The following SLC16A14 variants were observed in gnomAD, a reference collection of about 807,000 sequenced individuals.
SLC16A14 encodes monocarboxylate transporter 14.
Under a neutral mutation model 35.8 loss-of-function variants are expected in SLC16A14, and 14 were observed. That is an observed-to-expected ratio of 0.39 (90% confidence interval 0.26 to 0.61). The LOEUF (loss-of-function observed/expected upper bound fraction) is 0.61. SLC16A14 is among the 20% of genes least tolerant of loss of function. The probability of loss-of-function intolerance (pLI) is 0.51; values close to 1 mark genes in which losing one functional copy is unlikely to be tolerated. For missense variants in SLC16A14, 533 were observed against 655.0 expected, an observed-to-expected ratio of 0.81 and a Z score of 2.03; for synonymous variants, 248 against 258.9, an observed-to-expected ratio of 0.96 and a Z score of 0.40.
chr2:230,065,602 C>T (rs1367533616), intron 1 of SLC16A14, among the ~76,000 whole-genome samples: 1 of 152,100 alleles, frequency 6.6e-6, no homozygotes, highest in Non-Finnish European at 1.5e-5. Context: ...ATCTGCTGAG[C>T]AATGGAGTCA....
chr2:230,048,707 T>G lies in SLC16A14; in HGVS notation c.403+1054A>C, dbSNP rs1282180510. Among the ~76,000 whole-genome samples the G allele has an allele frequency of 2.6e-5, 4 of 152,068 alleles. No individual in the cohort carries two copies. In the East Asian group the frequency reaches 5.8e-4, roughly 22 times the overall value. On this transcript the variant is annotated intron_variant, in intron 3 of 4. Transcript: ENST00000295190. ...GGGAGGCTAAGGCAGGTGGATCACC[T>G]GAGGTTGGGAGTTCGAGACCAGCCT...
intron 3 of SLC16A14, among the ~76,000 whole-genome samples, chr2:230,048,847 C>G (rs927405329): frequency 7.2e-6 from 1 of 139,664 alleles, no homozygotes; most frequent in Non-Finnish European, 1.5e-5. Flanking sequence ...TGCTTGAACC[C>G]AGGAGGCGGA....
chr2:230,063,248 G>A (rs1048343309), intron 1 of SLC16A14, among the ~76,000 whole-genome samples: 3 of 138,582 alleles, frequency 2.2e-5, no homozygotes, highest in East Asian at 2.1e-4. Flanking sequence ...GTGAGATCAC[G>A]TCACTGCACT....
At chr2:230,045,569 A>G (rs1379977198) in intron 4 of SLC16A14, 176 bp downstream of exon 4, 1 of 764,324 alleles carries the variant, frequency 1.3e-6, no homozygotes, top group Non-Finnish European at 2.1e-6. Flanking sequence ...TGAAAAAAAA[A>G]AAGAAAGAAT....
chr2:230,057,193 G>A (rs2077712519), intron 2 of SLC16A14, among the ~76,000 whole-genome samples: 1 of 152,144 alleles, frequency 6.6e-6, no homozygotes, highest in Non-Finnish European at 1.5e-5. Flanking sequence ...TTAAGGGAAG[G>A]AAATAAAATT....
chr2:230,048,970 A>G (rs2077633197), intron 3 of SLC16A14, among the ~76,000 whole-genome samples: 1 of 149,662 alleles, frequency 6.7e-6, no homozygotes, highest in Non-Finnish European at 1.5e-5. Flanking sequence ...AGAGTAAATG[A>G]ACGTTATTGG....
chr2:230,056,162 C>T (rs561987207), intron 2 of SLC16A14, among the ~76,000 whole-genome samples: 17 of 152,212 alleles, frequency 1.1e-4, no homozygotes, highest in African/African-American at 4.1e-4. Context: ...TAAACATACA[C>T]ACTTGCACAC....
chr2:230,064,831 A>G (rs1272465847), intron 1 of SLC16A14, among the ~76,000 whole-genome samples: 2 of 152,062 alleles, frequency 1.3e-5, no homozygotes, highest in Admixed American at 6.5e-5. Flanking sequence ...ACCAACATGG[A>G]GAAACCCTGT....
chr2:230,037,463 C>A lies in SLC16A14; in HGVS notation c.1450G>T (p.Gly484Ter). Reference sequence around the variant, plus strand: ...GGCTGAATAAGTAAAAAGAGTATTCCTATCATGTAAAGCAAACCACATATG... The same window carrying A: ...GGCTGAATAAGTAAAAAGAGTATTCATATCATGTAAAGCAAACCACATATG... ...FYICGLLYMI[G>*]ILFLLIQPCI... The change falls in exon 5 of 5, where the codon GGA becomes TGA. Residue 484 changes from glycine (G) to a stop codon, truncating the protein, a stop_gained. Coordinates refer to ENST00000295190, the MANE Select transcript of SLC16A14 (RefSeq NM_152527.5). LOFTEE classifies it high-confidence loss of function. 6.2e-7 allele frequency: 1 copy of A among 1,612,748 alleles called. No homozygotes were observed. Among genetic ancestry groups the A allele is most frequent in the African/African-American group, 1.3e-5 (1 of 74,980 alleles).
At chr2:230,039,640 A>T (rs952392570) in intron 4 of SLC16A14, among the ~76,000 whole-genome samples, 7 of 152,272 alleles carry the variant, frequency 4.6e-5, no homozygotes, top group South Asian at 2.1e-4. Flanking sequence ...CTACAATTTT[A>T]AAAAAATCAA....
rs140446783 is a variant in SLC16A14, at chr2:230,046,148, T to C, written c.978A>G (p.Ala326=). 7.9e-4 allele frequency: 1,277 copies of C among 1,614,026 alleles called. 25 individuals are homozygous for C. In the East Asian group the frequency reaches 0.024, roughly 31 times the overall value. ...FVAFIFWALF[A]YSSFVIPFIH... ...TGAAGGGGATGACAAAGCTGCTGTATGCAAACAAAGCCCAGAAAATAAAGG... is the reference window on the plus strand; with the variant it reads ...TGAAGGGGATGACAAAGCTGCTGTACGCAAACAAAGCCCAGAAAATAAAGG... Residue 326 remains alanine (A), a synonymous_variant, in exon 4 of 5, where the codon GCA becomes GCG. Transcript: ENST00000295190. The surrounding 1 kb of genome is among the most constrained non-coding windows in gnomAD (Gnocchi z 5.0).
At position 230,057,886 on chromosome 2, in the gene SLC16A14, G is replaced by A. The variant is rs561868986; in HGVS notation, c.259+1208C>T. 1.8e-4 allele frequency among the ~76,000 whole-genome samples: 27 copies of A among 152,038 alleles called. 1 individual carries two copies. Among genetic ancestry groups the A allele is most frequent in the African/African-American group, 3.4e-4 (14 of 41,486 alleles). On this transcript the variant is annotated intron_variant, in intron 2 of 4. Transcript: ENST00000295190. ...TACTAAAAATACAAAAAAATTAGCCGGGCGTGGTAGTGGGTGCCTGTAGTC... is the reference window on the plus strand; with the variant it reads ...TACTAAAAATACAAAAAAATTAGCCAGGCGTGGTAGTGGGTGCCTGTAGTC...
intron 3 of SLC16A14, among the ~76,000 whole-genome samples, chr2:230,048,934 A>AC (rs1553819275): frequency 7.3e-5 from 10 of 137,092 alleles, no homozygotes; most frequent in South Asian, 2.6e-4. Context: ...AAAAAAAAAA[A>AC]AAAAAAAAAA....
chr2:230,064,096 C>CAAA (rs547480511), intron 1 of SLC16A14, among the ~76,000 whole-genome samples: 1 of 97,564 alleles, frequency 1.0e-5, no homozygotes. Context: ...GACCCTGTCT[C>CAAA]AAAAAAAAAA....
Position 230,067,317 on chromosome 2 carries a change from C to A in SLC16A14, c.-15+1238G>T, listed in dbSNP as rs573471933. ...GAGGACTCAACACATACATGCTTCGCTCTGGGTCAGGGACTGTGCTTGGTG... is the reference window on the plus strand; with the variant it reads ...GAGGACTCAACACATACATGCTTCGATCTGGGTCAGGGACTGTGCTTGGTG... On this transcript the variant is annotated intron_variant, in intron 1 of 4. Transcript: ENST00000295190. 3.9e-5 allele frequency: 6 copies of A among 152,576 alleles called. No individual in the cohort carries two copies. In the East Asian group the frequency reaches 1.2e-3, roughly 29 times the overall value. 9.5% of individuals were successfully genotyped at this position (152,576 alleles called of 1,614,324 possible).
chr2:230,048,082 C>T (rs2077624157), intron 3 of SLC16A14, among the ~76,000 whole-genome samples: 1 of 152,158 alleles, frequency 6.6e-6, no homozygotes, highest in Non-Finnish European at 1.5e-5. Flanking sequence ...CATACTTCAG[C>T]TCGTATGTTT....
chr2:230,046,481 A>G lies in SLC16A14; in HGVS notation c.645T>C (p.Gly215=), dbSNP rs1159190001. 1.9e-6 allele frequency: 3 copies of G among 1,609,152 alleles called. No individual in the cohort carries two copies. The highest frequency in any genetic ancestry group is 1.3e-5 in the African/African-American group (1 of 74,720). The stretch of plus-strand genomic sequence containing the variant: ...TCTCTCCTGGGTCGTTTGGGTTTTT[A>G]CCAGGAGAGAGGGGCCTCATGAGCG... ...CGALMRPLSP[G]KNPNDPGEKD... The change falls in exon 4 of 5, where the codon GGT becomes GGC. Residue 215 remains glycine, a synonymous_variant. Coordinates refer to ENST00000295190, the MANE Select transcript of SLC16A14 (RefSeq NM_152527.5). This position sits in a 1 kb window ranked among gnomAD's most constrained non-coding sequence, Gnocchi z 5.0.
At chr2:230,059,561 C>A (rs1233240673) in intron 1 of SLC16A14, among the ~76,000 whole-genome samples, 195 bp from the exon 2 acceptor site, 1 of 152,090 alleles carries the variant, frequency 6.6e-6, no homozygotes, top group Non-Finnish European at 1.5e-5. Flanking sequence ...TCTATGAAAC[C>A]TGTTTCATCT....
chr2:230,049,144 A>T (rs770888815), intron 3 of SLC16A14, among the ~76,000 whole-genome samples: 115 of 150,830 alleles, frequency 7.6e-4, no homozygotes, highest in Non-Finnish European at 1.4e-3. Context: ...ATCTTGGCTC[A>T]CAGCAACCTC....
Sources: gnomAD v4.1 joint callset for allele counts (sites outside exome capture counted in the v4.1 genomes callset) on GRCh38, gnomAD v4.1.1 for gene constraint, Gnocchi (gnomAD v3.1) non-coding constraint, MANE v1.5 for transcripts, NCBI Gene and HGNC (gene_info 2026-07-23, HGNC 2026-07-21) for gene names.